The following CPNE8 variants were observed in gnomAD, a reference collection of about 807,000 sequenced individuals.
The protein encoded by CPNE8 is copine 8.
CPNE8 carries 45 observed loss-of-function variants against 81.5 expected under a neutral mutation model. That is an observed-to-expected ratio of 0.55 (90% CI 0.44 to 0.71). The LOEUF is 0.71. Ranked by LOEUF, CPNE8 falls within the 30% of genes least tolerant of loss-of-function variation. The pLI, the probability that CPNE8 is intolerant of heterozygous loss-of-function variation, is 0.00. For missense variants in CPNE8, 594 were observed against 672.1 expected, an observed-to-expected ratio of 0.88 and a Z score of 1.28; for synonymous variants, 252 against 226.3, an observed-to-expected ratio of 1.11 and a Z score of -1.02.
At chr12:38,796,588 G>C (rs1942480148) in intron 6 of CPNE8, among the ~76,000 whole-genome samples, 1 of 152,178 alleles carries the variant, frequency 6.6e-6, no homozygotes, top group Non-Finnish European at 1.5e-5. Context: ...AATAGGAACA[G>C]CTCCGGTCTA....
chr12:38,904,854 T>C (rs541800425), intron 1 of CPNE8, among the ~76,000 whole-genome samples: 1 of 152,080 alleles, frequency 6.6e-6, no homozygotes, highest in East Asian at 1.9e-4. Flanking sequence ...TCCCAGATCT[T>C]AGGTAAGGCA....
At chr12:38,884,809 C>T (rs1944215524) in intron 1 of CPNE8, among the ~76,000 whole-genome samples, 1 of 152,018 alleles carries the variant, frequency 6.6e-6, no homozygotes, top group African/African-American at 2.4e-5. Context: ...ATTGTAATTA[C>T]AAAACGCTCT....
intron 8 of CPNE8, among the ~76,000 whole-genome samples, chr12:38,765,778 G>GT (rs1190138435): frequency 2.6e-5 from 4 of 151,840 alleles, no homozygotes; most frequent in African/African-American, 7.3e-5. Flanking sequence ...TTTAAAAATA[G>GT]TTTTTTCAAA....
intron 7 of CPNE8, among the ~76,000 whole-genome samples, chr12:38,771,549 T>C (rs1046158791): frequency 6.6e-6 from 1 of 152,186 alleles, no homozygotes; most frequent in Admixed American, 6.5e-5. Flanking sequence ...TAATTAAATA[T>C]AAAATTTGCA....
At chr12:38,794,820 T>TG (rs1409376233) in intron 6 of CPNE8, among the ~76,000 whole-genome samples, 1 of 152,154 alleles carries the variant, frequency 6.6e-6, no homozygotes, top group Non-Finnish European at 1.5e-5. Context: ...GTATTGTTGC[T>TG]GGGAGTGTCT....
At chr12:38,702,844 AT>A (rs1444847934) in intron 14 of CPNE8, 30 bp downstream of exon 14, 1 of 1,371,742 alleles carries the variant, frequency 7.3e-7, no homozygotes, top group Non-Finnish European at 1.0e-6. Context: ...ATTGCTGATG[AT>A]TTTTATCAGG....
chr12:38,807,175 C>A (rs1417462665), intron 6 of CPNE8, among the ~76,000 whole-genome samples: 1 of 151,484 alleles, frequency 6.6e-6, no homozygotes, highest in African/African-American at 2.4e-5. Flanking sequence ...GGCCATACTG[C>A]CCAAGGTCAT....
At chr12:38,693,514 A>G in intron 15 of CPNE8, 143 bp downstream of exon 15, 1 of 625,942 alleles carries the variant, frequency 1.6e-6, no homozygotes, top group Non-Finnish European at 2.6e-6. Flanking sequence ...TTAAGTTCAC[A>G]CTCCAAAGTC....
intron 5 of CPNE8, among the ~76,000 whole-genome samples, chr12:38,838,118 C>T (rs1394331091): frequency 6.6e-6 from 1 of 152,090 alleles, no homozygotes; most frequent in Non-Finnish European, 1.5e-5. Context: ...CTTAAAATAT[C>T]CAACCCCATG....
rs967908495 is a variant in CPNE8 at position 38,659,754 on chromosome 12, C to T, written c.1507-5684G>A. ...CAGGATTAAGAAACTCACTCAAAAC[C>T]GCACAACTATACGGAAACTGAACAA... On this transcript the variant is annotated intron_variant, in intron 19 of 19. Coordinates refer to ENST00000331366, the MANE Select transcript of CPNE8 (RefSeq NM_153634.3). Among the ~76,000 whole-genome samples, 7 of 152,102 alleles carry T rather than the reference C, an allele frequency of 4.6e-5. No homozygotes were observed. In the South Asian group the frequency reaches 6.2e-4, roughly 14 times the overall value.
chr12:38,736,877 T>TACTTATCTAG (rs1940967660), intron 10 of CPNE8, among the ~76,000 whole-genome samples: 1 of 152,062 alleles, frequency 6.6e-6, no homozygotes, highest in Admixed American at 6.6e-5. Context: ...TGACCTTGGA[T>TACTTATCTAG]ACTTATCTAG....
chr12:38,669,856 C>T (rs1231426394), intron 19 of CPNE8, among the ~76,000 whole-genome samples: 1 of 152,106 alleles, frequency 6.6e-6, no homozygotes, highest in East Asian at 1.9e-4. Flanking sequence ...GGGGGATATG[C>T]CTGCAGTTGC....
chr12:38,668,293 C>A (rs1939103093), intron 19 of CPNE8, among the ~76,000 whole-genome samples: 1 of 152,142 alleles, frequency 6.6e-6, no homozygotes, highest in African/African-American at 2.4e-5. Flanking sequence ...TTGTTCAAGA[C>A]CAGAGTGACT....
intron 1 of CPNE8, among the ~76,000 whole-genome samples, chr12:38,905,229 A>G (rs890628277): frequency 6.6e-6 from 1 of 151,898 alleles, no homozygotes; most frequent in African/African-American, 2.4e-5. Flanking sequence ...AGAAAATACA[A>G]AGTCTCAGTC....
chr12:38,786,896 G>A (rs986892083), intron 6 of CPNE8, among the ~76,000 whole-genome samples: 4 of 151,980 alleles, frequency 2.6e-5, no homozygotes, highest in Non-Finnish European at 5.9e-5. Flanking sequence ...TTATACTGGA[G>A]ACTGGAACAC....
intron 8 of CPNE8, among the ~76,000 whole-genome samples, chr12:38,765,776 T>C (rs1025041998): frequency 2.0e-5 from 3 of 152,198 alleles, no homozygotes; most frequent in African/African-American, 4.8e-5. Flanking sequence ...CTTTTAAAAA[T>C]AGTTTTTTCA....
chr12:38,712,905 T>C (rs2136714217), intron 13 of CPNE8, among the ~76,000 whole-genome samples: 1 of 152,302 alleles, frequency 6.6e-6, no homozygotes, highest in Middle Eastern at 3.4e-3. Context: ...GGGCAATTAC[T>C]ACAACAATAT....
intron 13 of CPNE8, among the ~76,000 whole-genome samples, chr12:38,708,347 G>C (rs1424535574): frequency 6.8e-6 from 1 of 146,824 alleles, no homozygotes; most frequent in Non-Finnish European, 1.5e-5. Context: ...CCTAATGTTA[G>C]AGGAAAAAAA....
Position 38,863,849 on chromosome 12 carries a change from A to G in CPNE8, c.186+9155T>C, listed in dbSNP as rs1258301322. ...GGGCGGATCACAAGGTCGGAGATCG[A>G]GACCATCCTGGCTAACACGGTGAAA... On this transcript the variant is annotated intron_variant, in intron 3 of 19. Transcript: ENST00000331366. Among the ~76,000 whole-genome samples the G allele has an allele frequency of 2.0e-5, 3 of 152,052 alleles. 1 individual carries two copies. The highest frequency in any genetic ancestry group is 2.0e-4 in the Admixed American group (3 of 15,268).
Sources: allele counts gnomAD v4.1 joint callset (sites outside exome capture counted in the v4.1 genomes callset), GRCh38; gene constraint gnomAD v4.1.1; transcripts MANE v1.5; gene names NCBI Gene and HGNC (gene_info 2026-07-23, HGNC 2026-07-21).